RHOBTB2: variants seen among roughly 807,000 people sequenced by gnomAD.
RHOBTB2 encodes rho-related BTB domain-containing protein 2.
Under a neutral mutation model 66.5 loss-of-function variants are expected in RHOBTB2, and 39 were observed. That is an observed-to-expected ratio of 0.59 (90% CI 0.45 to 0.77). The LOEUF is 0.77. Ranked by LOEUF, RHOBTB2 falls within the 30% of genes least tolerant of loss-of-function variation. The probability of loss-of-function intolerance (pLI) is 0.00; values close to 1 mark genes in which losing one functional copy is unlikely to be tolerated. For missense variants in RHOBTB2, 755 were observed against 999.1 expected (o/e 0.76, Z 3.29); for synonymous variants, 390 against 395.0 (o/e 0.99, Z 0.15).
the RHOBTB2 span, among the ~76,000 whole-genome samples, chr8:22,953,203 C>T: frequency 9.2e-5 from 14 of 152,274 alleles, no homozygotes; most frequent in South Asian, 2.3e-3. Flanking sequence ...CCTAGAGGAA[C>T]GTCATGTACC....
intron 2 of RHOBTB2, among the ~76,000 whole-genome samples, chr8:22,993,023 G>C (rs1181378706): frequency 6.6e-6 from 1 of 152,260 alleles, no homozygotes; most frequent in African/African-American, 2.4e-5. Flanking sequence ...ATGGCTGCAA[G>C]AGGCTGGCCA....
At chr8:23,001,212 C>T (rs1258281448) in intron 1 of RHOBTB2, among the ~76,000 whole-genome samples, 1 of 151,890 alleles carries the variant, frequency 6.6e-6, no homozygotes, top group East Asian at 1.9e-4. Flanking sequence ...GTTGTGATGC[C>T]CAGGGCTGGG....
upstream of RHOBTB2, among the ~76,000 whole-genome samples, chr8:22,996,561 G>GTGTGTGTGTC (rs1810572247): frequency 9.2e-6 from 1 of 109,288 alleles, no homozygotes; most frequent in African/African-American, 3.9e-5. Flanking sequence ...GTGTGTGTGT[G>GTGTGTGTGTC]TGTGTGTCTG....
intron 1 of RHOBTB2, among the ~76,000 whole-genome samples, chr8:22,991,018 C>A (rs546834057): frequency 1.5e-4 from 23 of 152,258 alleles, no homozygotes; most frequent in African/African-American, 5.5e-4. Context: ...TCAGACTGGA[C>A]ACTTGGTTTT....
At chr8:23,000,196 G>A (rs1810730938) in intron 1 of RHOBTB2, 91 bp downstream of exon 1, 1 of 899,692 alleles carries the variant, frequency 1.1e-6, no homozygotes. Context: ...CGCGCCCCTC[G>A]CTACGTTCCC....
the RHOBTB2 span, among the ~76,000 whole-genome samples, chr8:22,951,244 CTTTTTTTTTTTTTT>C: frequency 1.1e-4 from 10 of 87,964 alleles, no homozygotes; most frequent in East Asian, 9.7e-4. Flanking sequence ...CTACTTAGCT[CTTTTTTTTTTTTTT>C]TTTTTTTTTT....
At chr8:23,014,814 A>G in intron 8 of RHOBTB2, 36 bp downstream of exon 8, 4 of 1,531,762 alleles carry the variant, frequency 2.6e-6, no homozygotes, top group South Asian at 2.3e-5. Flanking sequence ...CAACAGTCTC[A>G]GTTCTACACT....
chr8:23,006,638 A>G lies in RHOBTB2; in HGVS notation c.483-90A>G, dbSNP rs1810956892. 7.6e-7 allele frequency: 1 copy of G among 1,319,376 alleles called. No homozygotes were observed. Among genetic ancestry groups the G allele is most frequent in the African/African-American group, 1.5e-5 (1 of 68,206 alleles). The allele number at this position is 1,319,376 out of a possible 1,614,324, so 81.7% of individuals were successfully genotyped here. On this transcript the variant is annotated intron_variant, in intron 4 of 9. Coordinates refer to ENST00000251822, the MANE Select transcript of RHOBTB2 (RefSeq NM_015178.3). This position sits in a 1 kb window ranked among gnomAD's most constrained non-coding sequence, Gnocchi z 6.1. ...GGAGTGGGTGGGGATTGGCACCCAG[A>G]TCCTGAGCAGAGTCCCTCCAGCCTG...
At chr8:22,981,292 A>G in the RHOBTB2 span, among the ~76,000 whole-genome samples, 2 of 152,318 alleles carry the variant, frequency 1.3e-5, no homozygotes, top group East Asian at 3.9e-4. Context: ...ATGTTTCCTT[A>G]TCTCTGGTTG....
In RHOBTB2 at chr8:23,006,942, T is replaced by G; in HGVS notation, c.697T>G (p.Phe233Val). The change falls in exon 5 of 10, where the codon TTC becomes GTC. Residue 233 changes from phenylalanine (F) to valine (V), a missense_variant. By Grantham distance (50) the Phe-to-Val change is conservative. Coordinates refer to ENST00000251822, the MANE Select transcript of RHOBTB2 (RefSeq NM_015178.3). The surrounding 1 kb of genome is among the most constrained non-coding windows in gnomAD (Gnocchi z 6.1). ...NVQRPLLQAP[F>V]LPPKPPPPII... is the part of the protein sequence containing the mutation. ...GCAGCGGCCTCTGCTGCAGGCACCC[T>G]TCCTACCCCCCAAGCCACCGCCCCC... 1 of 1,612,858 alleles carries G rather than the reference T, an allele frequency of 6.2e-7. No individual in the cohort carries two copies. The highest frequency in any genetic ancestry group is 8.5e-7 in the Non-Finnish European group (1 of 1,179,954).
intron 1 of RHOBTB2, among the ~76,000 whole-genome samples, chr8:23,003,746 C>T (rs1810857661): frequency 6.6e-6 from 1 of 152,206 alleles, no homozygotes; most frequent in African/African-American, 2.4e-5. Context: ...GAAAGGGAGG[C>T]CCCTGGGCTG....
intron 9 of RHOBTB2, among the ~76,000 whole-genome samples, chr8:23,016,488 T>C (rs1811295700): frequency 6.6e-6 from 1 of 152,184 alleles, no homozygotes; most frequent in South Asian, 2.1e-4. Flanking sequence ...CTCGGCTCAC[T>C]GCAACCTCCA....
At chr8:22,983,349 A>AC (rs1563279689), upstream of RHOBTB2, among the ~76,000 whole-genome samples, 1 of 151,710 alleles carries the variant, frequency 6.6e-6, no homozygotes, top group Non-Finnish European at 1.5e-5. Context: ...AAAAAAAAAA[A>AC]ACAAAAAAGA....
In RHOBTB2 at chr8:23,006,244, C is replaced by T. The variant is rs79538723; in HGVS notation, c.482+99C>T. On this transcript the variant is annotated intron_variant, in intron 4 of 9. Transcript: ENST00000251822. This position sits in a 1 kb window ranked among gnomAD's most constrained non-coding sequence, Gnocchi z 6.1. Reference sequence around the variant, plus strand: ...AATTCCACTGAGCCTCATATCTCTCCCTCCATTTGGAGCAAGCTTGCATTG... The same window carrying T: ...AATTCCACTGAGCCTCATATCTCTCTCTCCATTTGGAGCAAGCTTGCATTG... 1,212 of 1,050,870 alleles carry T rather than the reference C, an allele frequency of 1.2e-3. 14 individuals are homozygous for T. The African/African-American group carries it at 0.017, about 15-fold the overall frequency. The allele number at this position is 1,050,870 out of a possible 1,614,324, so 65.1% of individuals were successfully genotyped here.
chr8:22,979,465 G>A, the RHOBTB2 span, among the ~76,000 whole-genome samples: 1,572 of 152,064 alleles, frequency 0.01, 29 homozygotes, highest in African/African-American at 0.034. Flanking sequence ...GTACAATCAT[G>A]TACTGTGGAT....
chr8:22,968,523 T>C, the RHOBTB2 span, among the ~76,000 whole-genome samples: 1 of 152,146 alleles, frequency 6.6e-6, no homozygotes, highest in Non-Finnish European at 1.5e-5. Flanking sequence ...CTAAACTTCA[T>C]TTGGAAGAGT....
intron 2 of RHOBTB2, chr8:22,994,495 G>A: frequency 1.0e-6 from 1 of 953,594 alleles, no homozygotes. Flanking sequence ...TTCGCGGTGT[G>A]CTCATTCCCT....
At chr8:22,953,167 C>T in the RHOBTB2 span, among the ~76,000 whole-genome samples, 1 of 152,190 alleles carries the variant, frequency 6.6e-6, no homozygotes, top group Non-Finnish European at 1.5e-5. Flanking sequence ...TCATTTGAGG[C>T]ACTTTTCCCT....
At chr8:22,975,843 C>A in the RHOBTB2 span, among the ~76,000 whole-genome samples, 699 of 152,170 alleles carry the variant, frequency 4.6e-3, 6 homozygotes, top group African/African-American at 0.015. Context: ...CTTCCTAGAT[C>A]TCTCTCTCTA....
Sources: allele counts gnomAD v4.1 joint callset (sites outside exome capture counted in the v4.1 genomes callset), GRCh38; gene constraint gnomAD v4.1.1; non-coding constraint Gnocchi (gnomAD v3.1); transcripts MANE v1.5; gene names NCBI Gene and HGNC (gene_info 2026-07-23, HGNC 2026-07-21).